WDR18: variants seen among roughly 807,000 people sequenced by gnomAD.
The protein encoded by WDR18 is WD repeat domain 18, also known as WD repeat-containing protein 18.
Under a neutral mutation model 49.6 loss-of-function variants are expected in WDR18, and 33 were observed. The ratio of observed to expected loss-of-function variants is 0.67; its 90% confidence interval spans 0.50 to 0.89. The LOEUF (loss-of-function observed/expected upper bound fraction) is 0.89. Ranked by LOEUF, WDR18 falls within the 40% of genes least tolerant of loss-of-function variation. WDR18 has a pLI of 0.00. For missense variants in WDR18, 653 were observed against 593.6 expected (o/e 1.10, Z -1.04); for synonymous variants, 315 against 263.6 (o/e 1.19, Z -1.89).
rs1469776674 is a variant in WDR18 at position 990,730 on chromosome 19, C to G, written c.598-122C>G. Reference sequence around the variant, plus strand: ...GACCCACATGGTGACGGCTTTCACCCAAAGTCGCAAGCCCTAGGGCCAGAG... The same window carrying G: ...GACCCACATGGTGACGGCTTTCACCGAAAGTCGCAAGCCCTAGGGCCAGAG... On this transcript the variant is annotated intron_variant, in intron 4 of 9. Transcript: ENST00000585809. 7 of 1,403,876 alleles carry G rather than the reference C, an allele frequency of 5.0e-6. No individual in the cohort carries two copies. The African/African-American group carries it at 8.7e-5, about 17-fold the overall frequency. 87.0% of individuals were successfully genotyped at this position (1,403,876 alleles called of 1,614,324 possible).
At position 990,279 on chromosome 19, in the gene WDR18, A is replaced by T. The variant is rs1430176881; in HGVS notation, c.512A>T (p.His171Leu). 2 of 1,599,462 alleles carry T rather than the reference A, an allele frequency of 1.3e-6. No individual in the cohort carries two copies. Among genetic ancestry groups the T allele is most frequent in the Non-Finnish European group, 8.5e-7 (1 of 1,179,240 alleles). ...IPAPRHVWSH[H>L]ALPITDLHCG... ...GCGCCCAGGCACGTCTGGTCTCACC[A>T]CGCGCTCCCCATCACGGACCTGCAC... Residue 171 changes from histidine to leucine, a missense_variant, in exon 4 of 10, where the codon CAC (histidine) becomes CTC (leucine). Coordinates refer to ENST00000585809, the MANE Select transcript of WDR18 (RefSeq NM_024100.4).
chr19:993,930 T>C, intron 8 of WDR18, 90 bp from the exon 9 acceptor site: 3 of 1,435,006 alleles, frequency 2.1e-6, no homozygotes, highest in Middle Eastern at 4.0e-4. Context: ...CCTGGCTGAG[T>C]GGCTGCCCAC....
chr19:985,850 A>G lies in WDR18; in HGVS notation c.211-15A>G. The G allele has an allele frequency of 6.2e-7, 1 of 1,613,380 alleles. No individual in the cohort carries two copies. The highest frequency in any genetic ancestry group is 1.3e-5 in the African/African-American group (1 of 75,012). On this transcript the variant is annotated splice_polypyrimidine_tract_variant and intron_variant, in intron 1 of 9. Coordinates refer to ENST00000585809, the MANE Select transcript of WDR18 (RefSeq NM_024100.4). ...GTCCTGCATGGGGCTCACGAGGCTG[A>G]CTGTGCATCCTTAGGACCAGCTCCA... is the stretch of plus-strand genomic sequence containing the variant.
intron 2 of WDR18, among the ~76,000 whole-genome samples, chr19:987,140 C>A (rs532121737): frequency 6.6e-6 from 1 of 152,262 alleles, no homozygotes; most frequent in East Asian, 1.9e-4. Flanking sequence ...GCCAGGAGTT[C>A]AAGACTAGCC....
At chr19:992,148 C>T (rs1165100235) in intron 8 of WDR18, 27 bp downstream of exon 8, 2 of 1,432,106 alleles carry the variant, frequency 1.4e-6, no homozygotes, top group East Asian at 2.8e-5. Context: ...GGAACCCCCA[C>T]TGCCCTTTTG....
Position 994,236 on chromosome 19 carries a change from G to T in WDR18, c.1191G>T (p.Gln397His). The change falls in exon 10 of 10, where the codon CAG becomes CAT. Residue 397 changes from glutamine (Q) to histidine (H), a missense_variant. Gln to His is a conservative substitution (Grantham distance 24). Transcript: ENST00000585809. ...AGAGCGTGCTCGGCGGCCAGGACCA[G>T]CTGCGCGTCCGTGTGACGGAGCTGG... is the stretch of plus-strand genomic sequence containing the variant. ...MEKSVLGGQD[Q>H]LRVRVTELED... 2 of 1,606,348 alleles carry T rather than the reference G, an allele frequency of 1.2e-6. No individual in the cohort carries two copies. The highest frequency in any genetic ancestry group is 8.5e-7 in the Non-Finnish European group (1 of 1,177,954).
chr19:990,127 T>C, intron 3 of WDR18, 96 bp from the exon 4 acceptor site: 1 of 1,431,926 alleles, frequency 7.0e-7, no homozygotes, highest in Non-Finnish European at 9.3e-7. Context: ...GGCTGCTGAG[T>C]GGAGGCAGGT....
At chr19:991,432 GC>G in intron 7 of WDR18, 81 bp downstream of exon 7, 1 of 1,400,968 alleles carries the variant, frequency 7.1e-7, no homozygotes, top group South Asian at 1.4e-5. Context: ...TTGGGTGGGG[GC>G]GGGGACTGGT....
chr19:984,431 C>T lies in WDR18; in HGVS notation c.78C>T (p.His26=). The T allele has an allele frequency of 1.2e-6, 2 of 1,602,426 alleles. No homozygotes were observed. The highest frequency in any genetic ancestry group is 1.7e-6 in the Non-Finnish European group (2 of 1,175,878). Residue 26 remains histidine (H), a synonymous_variant, in exon 1 of 10, where the codon CAC becomes CAT. Coordinates refer to ENST00000585809, the MANE Select transcript of WDR18 (RefSeq NM_024100.4). ...PMWSCIVWEL[H]SGANLLTYRG... ...GGAGCTGCATCGTGTGGGAACTTCA[C>T]TCGGGCGCCAACCTGCTCACCTACC...
At position 984,371 on chromosome 19, in the gene WDR18, G is replaced by C; in HGVS notation, c.18G>C (p.Glu6Asp). 1 of 1,595,446 alleles carries C rather than the reference G, an allele frequency of 6.3e-7. No homozygotes were observed. Among genetic ancestry groups the C allele is most frequent in the Non-Finnish European group, 8.5e-7 (1 of 1,173,144 alleles). MAAPM[E>D]VAVCTDSAAP... ...AAGGCAAGATGGCGGCGCCCATGGA[G>C]GTGGCCGTGTGTACGGACTCGGCGG... Residue 6 changes from glutamate to aspartate, a missense_variant, in exon 1 of 10, where the codon GAG (glutamate) becomes GAC (aspartate). Transcript: ENST00000585809.
rs1183130889 is a variant in WDR18, at chr19:991,848, C to G, written c.932-107C>G. On this transcript the variant is annotated intron_variant, in intron 7 of 9. Coordinates refer to ENST00000585809, the MANE Select transcript of WDR18 (RefSeq NM_024100.4). Reference sequence around the variant, plus strand: ...CTGGGGGCGTGGACTGGCTGTGGGGCGGGGACTGGCTGGGGGCGGGGACTG... The same window carrying G: ...CTGGGGGCGTGGACTGGCTGTGGGGGGGGGACTGGCTGGGGGCGGGGACTG... 34 of 1,055,750 alleles carry G rather than the reference C, an allele frequency of 3.2e-5. No homozygotes were observed. In the South Asian group the frequency reaches 7.1e-4, roughly 22 times the overall value. 65.4% of individuals were successfully genotyped at this position (1,055,750 alleles called of 1,614,324 possible).
chr19:983,408 C>T (rs2038438314), upstream of WDR18, among the ~76,000 whole-genome samples: 1 of 152,092 alleles, frequency 6.6e-6, no homozygotes, highest in Non-Finnish European at 1.5e-5. Flanking sequence ...TCTCCTGCCT[C>T]AGCCTCCCAC....
In WDR18 at chr19:987,829, G is replaced by GTT. The variant is rs71174337; in HGVS notation, c.321+1876_321+1877dup. ...ACCCCTGCTCCCCTAGCCGCCTCCAGTTTTTTTTTTTTTTTTTTTTTTTCA... is the reference window on the plus strand; with the variant it reads ...ACCCCTGCTCCCCTAGCCGCCTCCAGTTTTTTTTTTTTTTTTTTTTTTTTTCA... On this transcript the variant is annotated intron_variant, in intron 2 of 9. Transcript: ENST00000585809. Among the ~76,000 whole-genome samples the GTT allele has an allele frequency of 5.9e-4, 54 of 91,784 alleles. 3 individuals carry two copies. Among genetic ancestry groups the GTT allele is most frequent in the East Asian group, 1.8e-3 (5 of 2,730 alleles). 60.2% of individuals were successfully genotyped at this position (91,784 alleles called of 152,430 possible).
intron 1 of WDR18, 121 bp from the exon 2 acceptor site, chr19:985,744 G>A (rs576329670): frequency 2.5e-5 from 21 of 854,006 alleles, no homozygotes; most frequent in Middle Eastern, 2.5e-4. Flanking sequence ...CCCTGCTCCC[G>A]ACTCCTCTTC....
Position 985,795 on chromosome 19 carries a change from C to G in WDR18, c.211-70C>G, listed in dbSNP as rs1267560039. On this transcript the variant is annotated intron_variant, in intron 1 of 9. Transcript: ENST00000585809. ...AGCCATTGCCCAGGCGTCCCCTCCC[C>G]TCGCCCTCCACTGCTGTAGTAGCTC... 9 of 1,491,038 alleles carry G rather than the reference C, an allele frequency of 6.0e-6. No homozygotes were observed. The African/African-American group carries it at 1.1e-4, about 18-fold the overall frequency. 92.4% of individuals were successfully genotyped at this position (1,491,038 alleles called of 1,614,324 possible).
chr19:988,669 G>A (rs2038501557), intron 2 of WDR18, among the ~76,000 whole-genome samples: 1 of 152,120 alleles, frequency 6.6e-6, no homozygotes, highest in Non-Finnish European at 1.5e-5. Flanking sequence ...AGATGTCTGT[G>A]GGGCCACGCT....
chr19:985,609 C>A (rs2038466480), intron 1 of WDR18, among the ~76,000 whole-genome samples: 1 of 152,134 alleles, frequency 6.6e-6, no homozygotes, highest in Admixed American at 6.5e-5. Context: ...TGTTCCTGTA[C>A]TCCTCCCACC....
At chr19:986,088 GC>G in intron 2 of WDR18, 113 bp downstream of exon 2, 2 of 958,184 alleles carry the variant, frequency 2.1e-6, no homozygotes, top group Non-Finnish European at 3.2e-6. Flanking sequence ...ATGGGTGACT[GC>G]TCAGGGGTTA....
chr19:990,045 C>G lies in WDR18; in HGVS notation c.455+150C>G, dbSNP rs1305962210. ...TGATCATCCCAGGGGTCCTGGCTGC[C>G]CACACTGGGGTCTGGTTTGTTCTGG... is the stretch of plus-strand genomic sequence containing the variant. On this transcript the variant is annotated intron_variant, in intron 3 of 9. Transcript: ENST00000585809. The G allele has an allele frequency of 2.1e-6, 3 of 1,403,228 alleles. No homozygotes were observed. The East Asian group carries it at 7.5e-5, about 35-fold the overall frequency. The allele number at this position is 1,403,228 out of a possible 1,614,324, so 86.9% of individuals were successfully genotyped here. A position where few individuals can be genotyped will look rare whatever the true frequency, so the allele number is the denominator to read the frequency against.
Sources: gnomAD v4.1 joint callset for allele counts (sites outside exome capture counted in the v4.1 genomes callset) on GRCh38, gnomAD v4.1.1 for gene constraint, MANE v1.5 for transcripts, NCBI Gene and HGNC (gene_info 2026-07-23, HGNC 2026-07-21) for gene names.